The following SLIT2 variants were observed in gnomAD, a reference collection of about 807,000 sequenced individuals.
SLIT2 encodes slit homolog 2 protein.
In SLIT2, 41 loss-of-function variants were observed where a neutral mutation model predicts 185.7. The ratio of observed to expected loss-of-function variants is 0.22; its 90% CI spans 0.17 to 0.29. The LOEUF (loss-of-function observed/expected upper bound fraction) is 0.29, where lower values mean the gene tolerates loss of function less well. SLIT2 is among the 10% of genes least tolerant of loss of function. The probability of loss-of-function intolerance (pLI) is 1.00; values close to 1 mark genes in which losing one functional copy is unlikely to be tolerated. For missense variants in SLIT2, 1,571 were observed against 1,909.0 expected, an observed-to-expected ratio of 0.82 and a Z score of 3.30; for synonymous variants, 693 against 680.2, an observed-to-expected ratio of 1.02 and a Z score of -0.29.
chr4:20,511,597 T>TTTTTTTTTTTTTTA (rs1334787977), intron 11 of SLIT2, among the ~76,000 whole-genome samples: 4 of 139,092 alleles, frequency 2.9e-5, no homozygotes, highest in Admixed American at 7.3e-5. Context: ...ATTTTTTTTT[T>TTTTTTTTTTTTTTA]TTTTTTATTT....
At chr4:20,507,776 T>A (rs1251606541) in intron 9 of SLIT2, among the ~76,000 whole-genome samples, 1 of 151,874 alleles carries the variant, frequency 6.6e-6, no homozygotes, top group East Asian at 1.9e-4. Context: ...AGAAATCTAC[T>A]AGTCACTGAG....
intron 4 of SLIT2, among the ~76,000 whole-genome samples, chr4:20,413,447 C>A (rs189675343): frequency 1.6e-4 from 25 of 152,072 alleles, no homozygotes; most frequent in Admixed American, 2.0e-4. Context: ...CTATAGATGT[C>A]TGTTAGGTTT....
intron 4 of SLIT2, among the ~76,000 whole-genome samples, chr4:20,410,703 GT>G (rs917225544): frequency 6.6e-6 from 1 of 151,994 alleles, no homozygotes; most frequent in Non-Finnish European, 1.5e-5. Flanking sequence ...TTTTTCTCAG[GT>G]TTGTTAAAGA....
At chr4:20,511,723 C>G (rs757150638) in intron 11 of SLIT2, among the ~76,000 whole-genome samples, 2 of 150,870 alleles carry the variant, frequency 1.3e-5, no homozygotes, top group South Asian at 2.1e-4. Flanking sequence ...CCACCGTGCC[C>G]GGCCCATTTT....
At chr4:20,351,628 G>T (rs1255430627) in intron 4 of SLIT2, among the ~76,000 whole-genome samples, 2 of 152,066 alleles carry the variant, frequency 1.3e-5, no homozygotes, top group Non-Finnish European at 2.9e-5. Flanking sequence ...GACCATCCCG[G>T]GCACAAGATC....
At chr4:20,446,547 G>A (rs1711823364) in intron 4 of SLIT2, among the ~76,000 whole-genome samples, 1 of 152,188 alleles carries the variant, frequency 6.6e-6, no homozygotes, top group African/African-American at 2.4e-5. Context: ...CTTTTCAGAT[G>A]TCTCTTCCCT....
intron 4 of SLIT2, among the ~76,000 whole-genome samples, chr4:20,425,073 A>T (rs1459120263): frequency 6.6e-6 from 1 of 152,072 alleles, no homozygotes; most frequent in East Asian, 1.9e-4. Flanking sequence ...TATGTTTTAA[A>T]CAGTGTTTGA....
chr4:20,429,064 G>A (rs1329966239), intron 4 of SLIT2, among the ~76,000 whole-genome samples: 5 of 152,192 alleles, frequency 3.3e-5, no homozygotes, highest in South Asian at 2.1e-4. Context: ...ACAGATGGAC[G>A]TTTCGACTTT....
At chr4:20,375,543 C>A (rs1423212873) in intron 4 of SLIT2, among the ~76,000 whole-genome samples, 1 of 151,990 alleles carries the variant, frequency 6.6e-6, no homozygotes, top group African/African-American at 2.4e-5. Context: ...GTTAGTAGAA[C>A]TAGGCTCTGG....
chr4:20,589,777 G>C (rs759958415), intron 30 of SLIT2, 40 bp downstream of exon 30: 2 of 1,466,842 alleles, frequency 1.4e-6, no homozygotes, highest in Non-Finnish European at 1.9e-6. Context: ...GTCAGGGTAG[G>C]GGACCCATTA....
chr4:20,425,352 G>A (rs1728470305), intron 4 of SLIT2, among the ~76,000 whole-genome samples: 1 of 152,002 alleles, frequency 6.6e-6, no homozygotes, highest in Admixed American at 6.6e-5. Context: ...GGGAGATAGA[G>A]CGAGACACTA....
At chr4:20,449,795 A>T (rs901488486) in intron 4 of SLIT2, among the ~76,000 whole-genome samples, 10 of 152,218 alleles carry the variant, frequency 6.6e-5, no homozygotes, top group African/African-American at 2.2e-4. Flanking sequence ...AATTAAAACT[A>T]ACTGATAATT....
In SLIT2 at chr4:20,452,096, C is replaced by A. The variant is rs143566392; in HGVS notation, c.396-15656C>A. Among the ~76,000 whole-genome samples the A allele has an allele frequency of 1.6e-3, 242 of 152,294 alleles. 1 individual carries two copies. The highest frequency in any genetic ancestry group is 5.2e-3 in the African/African-American group (218 of 41,562). On this transcript the variant is annotated intron_variant, in intron 4 of 36. Transcript: ENST00000504154. ...CTTTTTGTTCCACAAGATAAAGAAG[C>A]ATTTGTGCAAAGTGGATAAATAGGG...
intron 33 of SLIT2, among the ~76,000 whole-genome samples, chr4:20,606,217 A>G (rs561715619): frequency 2.6e-5 from 4 of 152,188 alleles, no homozygotes; most frequent in African/African-American, 9.6e-5. Context: ...CAAATTGGCC[A>G]GTCATGGTGG....
intron 4 of SLIT2, among the ~76,000 whole-genome samples, chr4:20,359,617 A>G (rs1311553210): frequency 1.3e-5 from 2 of 152,046 alleles, no homozygotes; most frequent in South Asian, 2.1e-4. Flanking sequence ...TTAGGTCTTG[A>G]ACCAAGCAGA....
intron 12 of SLIT2, among the ~76,000 whole-genome samples, chr4:20,521,393 G>A (rs1720825513): frequency 6.6e-6 from 1 of 152,150 alleles, no homozygotes; most frequent in Admixed American, 6.5e-5. Flanking sequence ...AAGAGGCAGG[G>A]AAATAAAAGA....
Position 20,542,554 on chromosome 4 carries a change from A to C in SLIT2, c.2204A>C (p.Asp735Ala), listed in dbSNP as rs200175329. 2 of 1,613,828 alleles carry C rather than the reference A, an allele frequency of 1.2e-6. No homozygotes were observed. Among genetic ancestry groups the C allele is most frequent in the Non-Finnish European group, 1.7e-6 (2 of 1,179,786 alleles). ...TGTCCTACTGAATGTACTTGCTTGGATACAGTCGTCCGATGTAGCAACAAG... is the reference window on the plus strand; with the variant it reads ...TGTCCTACTGAATGTACTTGCTTGGCTACAGTCGTCCGATGTAGCAACAAG... ...SRCPTECTCL[D>A]TVVRCSNKGL... The change falls in exon 21 of 37, where the codon GAT becomes GCT. Residue 735 changes from aspartate to alanine, a missense_variant. Asp to Ala is a moderately radical substitution (Grantham distance 126). Transcript: ENST00000504154.
At chr4:20,398,449 A>C (rs1726090547) in intron 4 of SLIT2, among the ~76,000 whole-genome samples, 1 of 151,816 alleles carries the variant, frequency 6.6e-6, no homozygotes, top group Non-Finnish European at 1.5e-5. Flanking sequence ...TTGGAATTTG[A>C]AAAAGAGAAC....
In SLIT2 at chr4:20,528,898, T is replaced by G. The variant is rs1220323162; in HGVS notation, c.1463-51T>G. 1 of 1,456,188 alleles carries G rather than the reference T, an allele frequency of 6.9e-7. No individual in the cohort carries two copies. Among genetic ancestry groups the G allele is most frequent in the Non-Finnish European group, 9.4e-7 (1 of 1,066,056 alleles). The allele number at this position is 1,456,188 out of a possible 1,614,324, so 90.2% of individuals were successfully genotyped here. A position where few individuals can be genotyped will look rare whatever the true frequency, so the allele number is the denominator to read the frequency against. On this transcript the variant is annotated intron_variant, in intron 15 of 36. Coordinates refer to ENST00000504154, the MANE Select transcript of SLIT2 (RefSeq NM_004787.4). The surrounding 1 kb of genome is among the most constrained non-coding windows in gnomAD (Gnocchi z 4.2). ...TTTTTTCTTCCTACAAACTAATAAA[T>G]TTTCTAACCTTTAGACTCAGTATCT...
Sources: gnomAD v4.1 joint callset for allele counts (sites outside exome capture counted in the v4.1 genomes callset) on GRCh38, gnomAD v4.1.1 for gene constraint, Gnocchi (gnomAD v3.1) non-coding constraint, MANE v1.5 for transcripts, NCBI Gene and HGNC (gene_info 2026-07-23, HGNC 2026-07-21) for gene names.